The following ATP8B4 variants were observed in gnomAD, a reference collection of about 807,000 sequenced individuals.
ATP8B4 encodes ATPase phospholipid transporting 8B4 (putative).
In ATP8B4, 133 loss-of-function variants were observed where a neutral mutation model predicts 145.6. That is an observed-to-expected ratio of 0.91 (90% CI 0.79 to 1.05). ATP8B4 has a LOEUF of 1.05. ATP8B4 is among the 50% of genes least tolerant of loss of function. The probability of loss-of-function intolerance (pLI) is 0.00; values close to 1 mark genes in which losing one functional copy is unlikely to be tolerated. For missense variants in ATP8B4, 1,458 were observed against 1,425.2 expected, an observed-to-expected ratio of 1.02 and a Z score of -0.37; for synonymous variants, 507 against 492.9, an observed-to-expected ratio of 1.03 and a Z score of -0.38.
At chr15:50,009,135 G>C (rs553157469) in intron 7 of ATP8B4, 1 of 152,122 alleles carries the variant, frequency 6.6e-6, no homozygotes, top group African/African-American at 2.4e-5. Flanking sequence ...AGTAGAACTC[G>C]AATGAGTTGC....
At chr15:50,178,969 C>G (rs2044804666) in intron 1 of ATP8B4, among the ~76,000 whole-genome samples, 1 of 151,994 alleles carries the variant, frequency 6.6e-6, no homozygotes, top group Admixed American at 6.6e-5. Context: ...CTAAGAAATT[C>G]AGGAATCAAA....
At chr15:49,899,085 C>G (rs1443095743) in intron 21 of ATP8B4, among the ~76,000 whole-genome samples, 1 of 152,116 alleles carries the variant, frequency 6.6e-6, no homozygotes, top group Non-Finnish European at 1.5e-5. Flanking sequence ...CAATCTGGCC[C>G]CTGCATTCCT....
At chr15:50,154,666 T>A (rs932652660) in intron 1 of ATP8B4, among the ~76,000 whole-genome samples, 1 of 152,120 alleles carries the variant, frequency 6.6e-6, no homozygotes, top group Non-Finnish European at 1.5e-5. Context: ...AAAACAAACA[T>A]ATTTATATTC....
intron 10 of ATP8B4, among the ~76,000 whole-genome samples, chr15:49,984,279 A>G (rs1040470854): frequency 3.9e-5 from 6 of 152,208 alleles, no homozygotes; most frequent in African/African-American, 1.2e-4. Context: ...ACTATTTTCT[A>G]AAACTATATG....
At chr15:50,028,481 T>C (rs11854435) in intron 6 of ATP8B4, among the ~76,000 whole-genome samples, 78,266 of 151,938 alleles carry the variant, frequency 0.52, 21,069 homozygotes, top group East Asian at 0.93. Context: ...CATTGTTTCA[T>C]CTGCAGAGCC....
intron 1 of ATP8B4, among the ~76,000 whole-genome samples, chr15:50,114,164 A>G (rs1468903556): frequency 1.8e-5 from 2 of 113,840 alleles, no homozygotes; most frequent in African/African-American, 6.8e-5. Flanking sequence ...GTTTGGTTAC[A>G]TGAGTAAGTT....
rs185499366 is a variant in ATP8B4 at position 50,148,556 on chromosome 15, T to C, written c.-43+33705A>G. 6.0e-4 allele frequency among the ~76,000 whole-genome samples: 92 copies of C among 152,274 alleles called. No individual in the cohort carries two copies. The East Asian group carries it at 0.018, about 29-fold the overall frequency. On this transcript the variant is annotated intron_variant, in intron 1 of 3. Transcript: ENST00000558829. ...CCTTGCCATTCCACCTTCTGCCACG[T>C]GAGGACACAGCATTCCTTTTCTTGG...
intron 6 of ATP8B4, 71 bp downstream of exon 6, chr15:50,038,697 G>T: frequency 8.6e-7 from 1 of 1,161,102 alleles, no homozygotes; most frequent in Non-Finnish European, 1.3e-6. Flanking sequence ...AAAAGAGAAA[G>T]CCACCAATCG....
rs1366810659 is a variant in ATP8B4 at position 50,167,535 on chromosome 15, T to C, written c.-43+14726A>G. Among the ~76,000 whole-genome samples, 5 of 150,994 alleles carry C rather than the reference T, an allele frequency of 3.3e-5. No individual in the cohort carries two copies. In the South Asian group the frequency reaches 8.4e-4, roughly 25 times the overall value. On this transcript the variant is annotated intron_variant, in intron 1 of 3. Transcript: ENST00000558829. ...CCCAGCCTAACCCAGAATGATCCTG[T>C]CTCAAGATCCTTAGCTTAATGATAT...
At chr15:49,926,129 T>C (rs8030352) in intron 16 of ATP8B4, among the ~76,000 whole-genome samples, 2,837 of 152,202 alleles carry the variant, frequency 0.019, 94 homozygotes, top group African/African-American at 0.066. Flanking sequence ...TGTTTTCAAA[T>C]GTGTATCTCC....
At position 50,095,681 on chromosome 15, in the gene ATP8B4, A is replaced by G. The variant is rs201835037; in HGVS notation, c.28+11258T>C. On this transcript the variant is annotated intron_variant, in intron 2 of 27. Coordinates refer to ENST00000284509, the MANE Select transcript of ATP8B4 (RefSeq NM_024837.4). The stretch of plus-strand genomic sequence containing the variant: ...GAAGTGGGAGGATCATTTGAGCCCA[A>G]GAGTTTGAGGCTGTAGTGAGCTATG... Among the ~76,000 whole-genome samples the G allele has an allele frequency of 5.5e-4, 84 of 152,054 alleles. No individual in the cohort carries two copies. The East Asian group carries it at 0.015, about 26-fold the overall frequency.
intron 27 of ATP8B4, among the ~76,000 whole-genome samples, chr15:49,861,210 C>G (rs139719385): frequency 9.2e-5 from 14 of 152,208 alleles, no homozygotes; most frequent in Non-Finnish European, 1.6e-4. Flanking sequence ...CAGAACATCA[C>G]GATCAAACTT....
chr15:50,071,294 T>C (rs979101621), intron 3 of ATP8B4, among the ~76,000 whole-genome samples: 1 of 152,186 alleles, frequency 6.6e-6, no homozygotes, highest in Non-Finnish European at 1.5e-5. Context: ...ATATGGGTGG[T>C]AGGCAAATGG....
chr15:49,927,248 A>G (rs1011508013), intron 16 of ATP8B4, among the ~76,000 whole-genome samples: 1 of 152,110 alleles, frequency 6.6e-6, no homozygotes, highest in African/African-American at 2.4e-5. Flanking sequence ...GAATGAAAGT[A>G]CTACTGGTAT....
intron 6 of ATP8B4, among the ~76,000 whole-genome samples, chr15:50,012,381 G>A (rs2048779895): frequency 1.3e-5 from 2 of 152,134 alleles, no homozygotes; most frequent in Admixed American, 1.3e-4. Flanking sequence ...CCTGTCTCAG[G>A]AAGAAGTCAA....
intron 20 of ATP8B4, among the ~76,000 whole-genome samples, chr15:49,909,067 C>A (rs1211557178): frequency 6.6e-6 from 1 of 152,160 alleles, no homozygotes; most frequent in Non-Finnish European, 1.5e-5. Context: ...AGCCAGCACC[C>A]ATACATACCA....
At chr15:50,103,126 C>T (rs2056470373) in intron 2 of ATP8B4, among the ~76,000 whole-genome samples, 1 of 152,162 alleles carries the variant, frequency 6.6e-6, no homozygotes, top group Non-Finnish European at 1.5e-5. Context: ...GACAAACCCA[C>T]AGCCAACATT....
chr15:50,158,612 A>C (rs1263435295), intron 1 of ATP8B4, among the ~76,000 whole-genome samples: 2 of 152,252 alleles, frequency 1.3e-5, no homozygotes, highest in African/African-American at 4.8e-5. Context: ...TATACCCAAC[A>C]GCTCATTGAG....
At chr15:50,100,964 T>C (rs2056318645) in intron 2 of ATP8B4, among the ~76,000 whole-genome samples, 1 of 152,206 alleles carries the variant, frequency 6.6e-6, no homozygotes. Context: ...GTGCCAAAAA[T>C]GTTTAACCCA....
Sources: gnomAD v4.1 joint callset for allele counts (sites outside exome capture counted in the v4.1 genomes callset) on GRCh38, gnomAD v4.1.1 for gene constraint, MANE v1.5 for transcripts, NCBI Gene and HGNC (gene_info 2026-07-23, HGNC 2026-07-21) for gene names.